PREX1: variants seen among roughly 807,000 people sequenced by gnomAD.
The protein encoded by PREX1 is phosphatidylinositol-3,4,5-trisphosphate dependent Rac exchange factor 1, also known as phosphatidylinositol 3,4,5-trisphosphate-dependent Rac exchanger 1 protein.
Under a neutral mutation model 198.3 loss-of-function variants are expected in PREX1, and 41 were observed. The ratio of observed to expected loss-of-function variants is 0.21; its 90% CI spans 0.16 to 0.27. The LOEUF (loss-of-function observed/expected upper bound fraction) is 0.27. PREX1 is among the 10% of genes least tolerant of loss of function. The probability of loss-of-function intolerance (pLI) is 1.00; values close to 1 mark genes in which losing one functional copy is unlikely to be tolerated. For missense variants in PREX1, 1,620 were observed against 2,200.7 expected (o/e 0.74, Z 5.28); for synonymous variants, 843 against 887.2 (o/e 0.95, Z 0.89).
In PREX1 at chr20:48,632,376, T is replaced by A. The variant is rs2089321634; in HGVS notation, c.4427A>T (p.Glu1476Val). Residue 1476 changes from glutamate to valine, a missense_variant, in exon 35 of 40, where the codon GAG (glutamate) becomes GTG (valine). Around this residue, in one of 7 missense-constraint regions of PREX1, gnomAD observed 476 missense variants for 603.4 expected, o/e 0.79. Transcript: ENST00000371941. ...ALFTKVLENV[E>V]GLPSPGSQAA... is the part of the protein sequence containing the mutation. ...CTGGCTGCCTGGAGAAGGCAGCCCC[T>A]CCACGTTCTCCAGCACTGGGAGGGG... 6.2e-7 allele frequency: 1 copy of A among 1,613,788 alleles called. No homozygotes were observed. The highest frequency in any genetic ancestry group is 2.2e-5 in the East Asian group (1 of 44,870).
intron 22 of PREX1, 119 bp downstream of exon 22, chr20:48,651,277 G>A (rs765667993): frequency 3.5e-6 from 5 of 1,421,978 alleles, no homozygotes; most frequent in Non-Finnish European, 4.7e-6. Flanking sequence ...AGGACTCCAG[G>A]CTAAGCCTGA....
At chr20:48,770,660 A>G (rs1199964954) in intron 1 of PREX1, among the ~76,000 whole-genome samples, 1 of 152,156 alleles carries the variant, frequency 6.6e-6, no homozygotes, top group East Asian at 1.9e-4. Flanking sequence ...CAGTGAGCCA[A>G]GATTGCTCCA....
intron 1 of PREX1, among the ~76,000 whole-genome samples, chr20:48,750,293 C>T (rs2090128498): frequency 6.6e-6 from 1 of 152,144 alleles, no homozygotes; most frequent in Non-Finnish European, 1.5e-5. Context: ...CTCCTGGTCC[C>T]CTTCACCCTC....
At chr20:48,796,067 GTT>G (rs1305202982) in intron 1 of PREX1, among the ~76,000 whole-genome samples, 2 of 152,106 alleles carry the variant, frequency 1.3e-5, no homozygotes, top group African/African-American at 4.8e-5. Flanking sequence ...GAAGGGGTAG[GTT>G]ACCTCATCCA....
intron 33 of PREX1, 129 bp downstream of exon 33, chr20:48,634,547 G>T: frequency 1.2e-6 from 1 of 802,610 alleles, no homozygotes; most frequent in Non-Finnish European, 2.0e-6. Context: ...AGGTTTGACA[G>T]CACTGAGTAC....
chr20:48,720,528 C>T (rs182408331), intron 5 of PREX1, among the ~76,000 whole-genome samples: 26 of 152,196 alleles, frequency 1.7e-4, no homozygotes, highest in Admixed American at 1.6e-3. Flanking sequence ...ACTAGGAAGA[C>T]GGAAAGGGAT....
Position 48,655,363 on chromosome 20 carries a change from G to A in PREX1, c.2136C>T (p.Ile712=). The change falls in exon 19 of 40, where the codon ATC becomes ATT. Residue 712 remains isoleucine (I), a synonymous_variant. Transcript: ENST00000371941. The part of the protein sequence containing the change: ...VATKAKEIIK[I]PDQPDTLCFQ... Reference sequence around the variant, plus strand: ...AGCACAGTGTGTCCGGCTGGTCGGGGATTTTGATGATCCTGCACCAGGTAG... The same window carrying A: ...AGCACAGTGTGTCCGGCTGGTCGGGAATTTTGATGATCCTGCACCAGGTAG... The A allele has an allele frequency of 6.3e-7, 1 of 1,582,734 alleles. No homozygotes were observed. The highest frequency in any genetic ancestry group is 8.6e-7 in the Non-Finnish European group (1 of 1,160,602).
At chr20:48,854,681 C>A in the PREX1 span, among the ~76,000 whole-genome samples, 24,859 of 152,242 alleles carry the variant, frequency 0.16, 2,119 homozygotes, top group Non-Finnish European at 0.19. Context: ...TCACCATCAC[C>A]ATTACGATCA....
chr20:48,690,289 C>T (rs1200912538), intron 9 of PREX1, among the ~76,000 whole-genome samples: 1 of 152,094 alleles, frequency 6.6e-6, no homozygotes, highest in African/African-American at 2.4e-5. Flanking sequence ...TTGAAATGTG[C>T]TCAAATCCAA....
chr20:48,689,683 G>C (rs931674401), intron 9 of PREX1, among the ~76,000 whole-genome samples: 2 of 152,158 alleles, frequency 1.3e-5, no homozygotes, highest in South Asian at 4.1e-4. Flanking sequence ...ACTCAGCCCC[G>C]ATCAATTTCA....
At chr20:48,640,550 T>G (rs2122855960) in intron 29 of PREX1, among the ~76,000 whole-genome samples, 1 of 152,238 alleles carries the variant, frequency 6.6e-6, no homozygotes, top group African/African-American at 2.4e-5. Flanking sequence ...GCAGCTGAGC[T>G]GGGGAGCCCC....
chr20:48,719,428 G>C (rs1019335497), intron 5 of PREX1, among the ~76,000 whole-genome samples: 1 of 152,082 alleles, frequency 6.6e-6, no homozygotes, highest in African/African-American at 2.4e-5. Flanking sequence ...GTTGGTGCTC[G>C]GCCCGAGAGA....
intron 10 of PREX1, among the ~76,000 whole-genome samples, chr20:48,682,575 C>T (rs369872161): frequency 6.6e-6 from 1 of 152,084 alleles, no homozygotes; most frequent in Admixed American, 6.6e-5. Context: ...ATGAACCATC[C>T]GACAGAAAGG....
intron 5 of PREX1, among the ~76,000 whole-genome samples, chr20:48,709,365 C>T (rs1443491343): frequency 2.0e-5 from 3 of 152,228 alleles, no homozygotes; most frequent in East Asian, 1.9e-4. Flanking sequence ...GCAGATGTGA[C>T]ACTCTTGCAT....
At chr20:48,851,278 G>A in the PREX1 span, among the ~76,000 whole-genome samples, 9 of 152,162 alleles carry the variant, frequency 5.9e-5, no homozygotes, top group African/African-American at 1.9e-4. Context: ...AGGCTGAAGC[G>A]GGCGGATCTC....
intron 26 of PREX1, among the ~76,000 whole-genome samples, 162 bp from the exon 27 acceptor site, chr20:48,644,659 A>T (rs1302439936): frequency 2.0e-5 from 3 of 152,256 alleles, no homozygotes; most frequent in Non-Finnish European, 4.4e-5. Context: ...TCCCAAAGGC[A>T]GGGAAGGCCG....
At chr20:48,652,760 G>T in intron 20 of PREX1, 54 bp from the exon 21 acceptor site, 1 of 1,575,316 alleles carries the variant, frequency 6.3e-7, no homozygotes, top group Non-Finnish European at 8.6e-7. Flanking sequence ...TAGGGAGGAG[G>T]GGACAGGGCC....
In PREX1 at chr20:48,666,456, G is replaced by A. The variant is rs769276988; in HGVS notation, c.1666-101C>T. On this transcript the variant is annotated intron_variant, in intron 14 of 39. Coordinates refer to ENST00000371941, the MANE Select transcript of PREX1 (RefSeq NM_020820.4). The surrounding 1 kb of genome is among the most constrained non-coding windows in gnomAD (Gnocchi z 4.3). ...AACCACCCAAGAAGGTAGGCTCCAC[G>A]AGGGCCAGGGGTTGTCTGTTTTGTT... is the stretch of plus-strand genomic sequence containing the variant. 226 of 953,840 alleles carry A rather than the reference G, an allele frequency of 2.4e-4. No individual in the cohort carries two copies. Among genetic ancestry groups the A allele is most frequent in the Non-Finnish European group, 3.3e-4 (204 of 617,622 alleles). 59.1% of individuals were successfully genotyped at this position (953,840 alleles called of 1,614,324 possible).
At chr20:48,690,342 T>C (rs1007158013) in intron 9 of PREX1, among the ~76,000 whole-genome samples, 2 of 152,070 alleles carry the variant, frequency 1.3e-5, no homozygotes, top group Non-Finnish European at 2.9e-5. Flanking sequence ...GGAACTTGGA[T>C]CCCCATTTAT....
Sources: gnomAD v4.1 joint callset for allele counts (sites outside exome capture counted in the v4.1 genomes callset) on GRCh38, gnomAD v4.1.1 for gene constraint, gnomAD v4.1.1 regional missense constraint, Gnocchi (gnomAD v3.1) non-coding constraint, MANE v1.5 for transcripts, NCBI Gene and HGNC (gene_info 2026-07-23, HGNC 2026-07-21) for gene names.